SRPK1: variants seen among roughly 807,000 people sequenced by gnomAD.
SRPK1 encodes the protein SRSF protein kinase 1, also known as SFRS protein kinase 1.
Under a neutral mutation model 89.5 loss-of-function variants are expected in SRPK1, and 52 were observed. The ratio of observed to expected loss-of-function variants is 0.58; its 90% CI spans 0.46 to 0.73. SRPK1 has a LOEUF of 0.73. SRPK1 is among the 30% of genes least tolerant of loss of function. The pLI is 0.00. For synonymous variants in SRPK1, 255 were observed against 270.2 expected (o/e 0.94, Z 0.55); for missense variants, 603 against 780.6 (o/e 0.77, Z 2.71).
chr6:35,853,741 A>C (rs1769606314), intron 13 of SRPK1, among the ~76,000 whole-genome samples: 2 of 152,200 alleles, frequency 1.3e-5, no homozygotes, highest in Non-Finnish European at 2.9e-5. Context: ...ACTTCAGAAG[A>C]GGAATTTACC....
intron 13 of SRPK1, among the ~76,000 whole-genome samples, chr6:35,853,210 A>T (rs1382913378): frequency 6.6e-6 from 1 of 152,052 alleles, no homozygotes; most frequent in Non-Finnish European, 1.5e-5. Flanking sequence ...GTTTGGGGTT[A>T]TATTGAGTTA....
intron 12 of SRPK1, among the ~76,000 whole-genome samples, chr6:35,864,278 T>C (rs999453860): frequency 6.6e-6 from 1 of 151,984 alleles, no homozygotes; most frequent in African/African-American, 2.4e-5. Context: ...GGAGAAAATA[T>C]TTGCAAATTA....
At chr6:35,839,531 A>G (rs1434717381) in intron 14 of SRPK1, among the ~76,000 whole-genome samples, 3 of 152,200 alleles carry the variant, frequency 2.0e-5, no homozygotes, top group Non-Finnish European at 1.5e-5. Flanking sequence ...ACATCACAGT[A>G]TGAATATGGA....
At chr6:35,860,346 A>T (rs1403271091) in intron 12 of SRPK1, among the ~76,000 whole-genome samples, 1 of 152,184 alleles carries the variant, frequency 6.6e-6, no homozygotes, top group Non-Finnish European at 1.5e-5. Flanking sequence ...GTGTGAATGA[A>T]TTAACAGAGT....
At chr6:35,873,280 A>C (rs1426709218) in intron 7 of SRPK1, among the ~76,000 whole-genome samples, 1 of 152,250 alleles carries the variant, frequency 6.6e-6, no homozygotes, top group Non-Finnish European at 1.5e-5. Context: ...CAATAATCTG[A>C]CATAGCAATT....
chr6:35,872,384 T>G (rs1330784171), intron 8 of SRPK1, among the ~76,000 whole-genome samples, 179 bp downstream of exon 8: 3 of 152,222 alleles, frequency 2.0e-5, no homozygotes, highest in African/African-American at 7.2e-5. Context: ...ACACAATATC[T>G]AGTTTTCTCC....
At chr6:35,875,509 C>T (rs527658970) in intron 6 of SRPK1, among the ~76,000 whole-genome samples, 13 of 152,204 alleles carry the variant, frequency 8.5e-5, no homozygotes, top group South Asian at 2.1e-4. Flanking sequence ...CCACTGCGCC[C>T]GGCCAGACCA....
intron 13 of SRPK1, among the ~76,000 whole-genome samples, chr6:35,855,303 G>GAA (rs1299003057): frequency 6.9e-6 from 1 of 145,118 alleles, no homozygotes; most frequent in African/African-American, 2.5e-5. Flanking sequence ...CTCCATCTCA[G>GAA]AAAAAAAAAA....
chr6:35,917,444 A>C (rs1771135342), intron 2 of SRPK1, among the ~76,000 whole-genome samples: 1 of 152,228 alleles, frequency 6.6e-6, no homozygotes, highest in Non-Finnish European at 1.5e-5. Flanking sequence ...CTTATCTGTA[A>C]AGTAAAATGG....
At chr6:35,902,156 T>C (rs1770755859) in intron 2 of SRPK1, among the ~76,000 whole-genome samples, 1 of 140,414 alleles carries the variant, frequency 7.1e-6, no homozygotes, top group Admixed American at 7.9e-5. Context: ...ATGTCTGTAA[T>C]CCCAGCACTT....
intron 12 of SRPK1, 35 bp downstream of exon 12, chr6:35,868,975 C>G: frequency 1.3e-6 from 2 of 1,542,930 alleles, no homozygotes; most frequent in East Asian, 2.3e-5. Context: ...TCCTCCCAGT[C>G]ACTTCAAAAC....
chr6:35,896,848 C>T (rs1438724557), intron 2 of SRPK1, among the ~76,000 whole-genome samples: 3 of 152,066 alleles, frequency 2.0e-5, no homozygotes, highest in African/African-American at 4.8e-5. Flanking sequence ...AACTGCTGAG[C>T]GGATAAACAA....
At chr6:35,891,183 ACTTTTTAAAAACTT>A (rs1770510713) in intron 2 of SRPK1, 170 bp from the exon 3 acceptor site, 1 of 739,028 alleles carries the variant, frequency 1.4e-6, no homozygotes, top group Admixed American at 3.8e-5. Context: ...TTAGAAAAAT[ACTTTTTAAAAACTT>A]CAGTACATAA....
At chr6:35,861,889 C>T (rs1409451859) in intron 12 of SRPK1, among the ~76,000 whole-genome samples, 1 of 152,188 alleles carries the variant, frequency 6.6e-6, no homozygotes, top group Non-Finnish European at 1.5e-5. Context: ...CAACAGCTGG[C>T]ACCATTTTGA....
intron 2 of SRPK1, among the ~76,000 whole-genome samples, chr6:35,897,458 C>T (rs1266745907): frequency 6.6e-6 from 1 of 152,146 alleles, no homozygotes; most frequent in Non-Finnish European, 1.5e-5. Context: ...AGGAAGTAGA[C>T]CTATGTCTAG....
chr6:35,855,835 A>T (rs763235752), intron 13 of SRPK1, among the ~76,000 whole-genome samples: 3 of 152,180 alleles, frequency 2.0e-5, no homozygotes, highest in Non-Finnish European at 4.4e-5. Flanking sequence ...CCCAGGTTCA[A>T]GCGATTCTCC....
intron 14 of SRPK1, 51 bp from the exon 15 acceptor site, chr6:35,838,480 G>A: frequency 6.8e-7 from 1 of 1,478,992 alleles, no homozygotes; most frequent in Non-Finnish European, 9.1e-7. Context: ...TCCGTAACAA[G>A]AGTAACAAAT....
rs774591726 is a variant in SRPK1 at position 35,888,063 on chromosome 6, G to A, written c.351C>T (p.Tyr117=). The A allele has an allele frequency of 1.9e-6, 3 of 1,607,262 alleles. No individual in the cohort carries two copies. The highest frequency in any genetic ancestry group is 2.5e-6 in the Non-Finnish European group (3 of 1,178,122). The stretch of plus-strand genomic sequence containing the variant: ...GGATTTCATCTAGTGCTGTTTCAGT[G>A]TAATGTTCAGCACTTTTAACTACTT... The part of the protein sequence containing the change: ...AMKVVKSAEH[Y]TETALDEIRL... Residue 117 remains tyrosine (Y), a synonymous_variant, in exon 5 of 16, where the codon TAC becomes TAT. Transcript: ENST00000373825.
intron 2 of SRPK1, among the ~76,000 whole-genome samples, chr6:35,907,912 G>A (rs1300628233): frequency 6.6e-6 from 1 of 152,112 alleles, no homozygotes; most frequent in Non-Finnish European, 1.5e-5. Context: ...TAGTTTGTGA[G>A]TTCTCACGAG....
Sources: gnomAD v4.1 joint callset for allele counts (sites outside exome capture counted in the v4.1 genomes callset) on GRCh38, gnomAD v4.1.1 for gene constraint, MANE v1.5 for transcripts, NCBI Gene and HGNC (gene_info 2026-07-23, HGNC 2026-07-21) for gene names.